GGNBP2: variants seen among roughly 807,000 people sequenced by gnomAD.
The protein encoded by GGNBP2 is gametogenetin binding protein 2.
A neutral mutation model predicts 85.9 loss-of-function variants in GGNBP2; 10 were observed. The ratio of observed to expected loss-of-function variants is 0.12; its 90% CI spans 0.07 to 0.20. GGNBP2 has a LOEUF of 0.20. Among genes scored for constraint, GGNBP2 ranks in the 10% least tolerant of loss-of-function variants. The pLI is 1.00. For missense variants in GGNBP2, 595 were observed against 857.8 expected (o/e 0.69, Z 3.83); for synonymous variants, 287 against 285.7 (o/e 1.00, Z -0.05).
At position 36,581,574 on chromosome 17, in the gene GGNBP2, G is replaced by A. The variant is rs745875720; in HGVS notation, c.1215+36G>A. ...TTAATATCAACTCTTAAGTGTGTAT[G>A]TATTGCTTGTAGATAGAAGTACAGG... On this transcript the variant is annotated intron_variant, in intron 9 of 13. Transcript: ENST00000613102. The A allele has an allele frequency of 4.0e-6, 6 of 1,483,352 alleles. No homozygotes were observed. In the African/African-American group the frequency reaches 7.0e-5, roughly 17 times the overall value. 91.9% of individuals were successfully genotyped at this position (1,483,352 alleles called of 1,614,324 possible). A position where few individuals can be genotyped will look rare whatever the true frequency, so the allele number is the denominator to read the frequency against.
intron 13 of GGNBP2, 63 bp from the exon 14 acceptor site, chr17:36,589,145 T>G (rs1423197929): frequency 8.5e-7 from 1 of 1,177,720 alleles, no homozygotes; most frequent in Non-Finnish European, 1.2e-6. Context: ...TTAGCTGTCC[T>G]CCTCCATTAC....
intron 5 of GGNBP2, among the ~76,000 whole-genome samples, chr17:36,564,319 G>A (rs145754441): frequency 6.6e-6 from 1 of 152,240 alleles, no homozygotes; most frequent in Non-Finnish European, 1.5e-5. Flanking sequence ...TGTGTTCATT[G>A]CTGCCTTCCT....
intron 7 of GGNBP2, 144 bp downstream of exon 7, chr17:36,578,330 T>C (rs561212794): frequency 6.8e-5 from 42 of 614,830 alleles, no homozygotes; most frequent in African/African-American, 5.5e-4. Context: ...TGCTTCTCTT[T>C]AAAGTATGCA....
At chr17:36,588,917 C>CT (rs1288031976) in intron 13 of GGNBP2, among the ~76,000 whole-genome samples, 1 of 152,092 alleles carries the variant, frequency 6.6e-6, no homozygotes, top group African/African-American at 2.4e-5. Flanking sequence ...GTTGTAACAT[C>CT]TTTAATTAGT....
chr17:36,579,197 T>C, intron 7 of GGNBP2, 48 bp from the exon 8 acceptor site: 1 of 1,529,940 alleles, frequency 6.5e-7, no homozygotes, highest in Non-Finnish European at 9.0e-7. Flanking sequence ...TATCCATCTT[T>C]TACTGTTTCA....
At chr17:36,561,056 C>T (rs2074411854) in intron 5 of GGNBP2, among the ~76,000 whole-genome samples, 185 bp downstream of exon 5, 1 of 151,988 alleles carries the variant, frequency 6.6e-6, no homozygotes, top group Admixed American at 6.6e-5. Flanking sequence ...TATAAAGTCT[C>T]AATGTAGATC....
chr17:36,562,953 C>CAAAAAAAA (rs34799358), intron 5 of GGNBP2, among the ~76,000 whole-genome samples: 1 of 40,516 alleles, frequency 2.5e-5, no homozygotes, highest in Non-Finnish European at 4.0e-5. Context: ...GACTCTGTCT[C>CAAAAAAAA]AAAAAAAAAA....
In GGNBP2 at chr17:36,578,390, C is replaced by T. The variant is rs150076834; in HGVS notation, c.845+204C>T. 1.4e-3 allele frequency: 698 copies of T among 494,362 alleles called. 4 individuals carry two copies. Among genetic ancestry groups the T allele is most frequent in the Middle Eastern group, 4.8e-3 (9 of 1,876 alleles). 30.6% of individuals were successfully genotyped at this position (494,362 alleles called of 1,614,324 possible). On this transcript the variant is annotated intron_variant, in intron 7 of 13. Transcript: ENST00000613102. ...AAAAACTGTTCTCTGGTGTTTGGTT[C>T]AGTCCTCTGCTAGTTCTTGCTTGAA...
At chr17:36,560,258 T>C (rs992618244) in intron 4 of GGNBP2, among the ~76,000 whole-genome samples, 2 of 152,192 alleles carry the variant, frequency 1.3e-5, no homozygotes, top group African/African-American at 4.8e-5. Context: ...GCACCAGGCC[T>C]GATTCTAGAT....
In GGNBP2 at chr17:36,545,630, G is replaced by C; in HGVS notation, c.-95G>C. ...TTTGGCTGTTGCAGGCAGGAGCTGG[G>C]AGGAGGCGGCAGCGGCGGCGGCAGA... On this transcript the variant is annotated 5_prime_UTR_variant, in exon 2 of 14. Coordinates refer to ENST00000613102, the MANE Select transcript of GGNBP2 (RefSeq NM_024835.5). 1.1e-6 allele frequency: 1 copy of C among 946,220 alleles called. No homozygotes were observed. The highest frequency in any genetic ancestry group is 1.7e-6 in the Non-Finnish European group (1 of 602,828). The allele number at this position is 946,220 out of a possible 1,614,324, so 58.6% of individuals were successfully genotyped here. A position where few individuals can be genotyped will look rare whatever the true frequency, so the allele number is the denominator to read the frequency against.
At chr17:36,583,140 G>A (rs1223555786) in intron 9 of GGNBP2, among the ~76,000 whole-genome samples, 3 of 151,666 alleles carry the variant, frequency 2.0e-5, no homozygotes, top group East Asian at 3.9e-4. Flanking sequence ...TGCAACCTCC[G>A]CCTCTCGGGT....
At chr17:36,588,463 T>C (rs1203794692) in intron 13 of GGNBP2, among the ~76,000 whole-genome samples, 1 of 152,118 alleles carries the variant, frequency 6.6e-6, no homozygotes, top group East Asian at 1.9e-4. Flanking sequence ...TCCATGTTGG[T>C]CAGGCTGGTC....
chr17:36,545,456 G>A (rs1410165066), intron 1 of GGNBP2, 163 bp from the exon 2 acceptor site: 5 of 400,680 alleles, frequency 1.2e-5, no homozygotes, highest in Admixed American at 9.0e-5. Flanking sequence ...GAGGGGGGCG[G>A]GTCCCGGCGG....
chr17:36,572,761 A>G (rs187960866), intron 6 of GGNBP2, among the ~76,000 whole-genome samples: 45 of 152,290 alleles, frequency 3.0e-4, no homozygotes, highest in African/African-American at 1.0e-3. Context: ...TTTGTTAACT[A>G]TATGCACATT....
rs561700276 is a variant in GGNBP2 at position 36,562,109 on chromosome 17, G to A, written c.527+1238G>A. 4.6e-5 allele frequency among the ~76,000 whole-genome samples: 7 copies of A among 152,236 alleles called. No individual in the cohort carries two copies. In the East Asian group the frequency reaches 9.6e-4, roughly 21 times the overall value. ...GGAGTGTGAAGGGACTTTCTAAGAC[G>A]TGACTTTAGTTTTGGAGAGAATGGG... On this transcript the variant is annotated intron_variant, in intron 5 of 13. Transcript: ENST00000613102.
intron 2 of GGNBP2, among the ~76,000 whole-genome samples, chr17:36,547,942 C>G (rs1270468640): frequency 6.6e-6 from 1 of 152,092 alleles, no homozygotes; most frequent in African/African-American, 2.4e-5. Context: ...CTACCAAATA[C>G]TACTGAAAGG....
intron 2 of GGNBP2, chr17:36,546,039 G>C: frequency 2.0e-6 from 1 of 502,176 alleles, no homozygotes; most frequent in South Asian, 3.1e-5. Flanking sequence ...CCTCTCTCCA[G>C]ATTTTCCTTC....
chr17:36,550,415 G>A (rs1236764396), intron 2 of GGNBP2, among the ~76,000 whole-genome samples: 1 of 152,108 alleles, frequency 6.6e-6, no homozygotes, highest in Non-Finnish European at 1.5e-5. Context: ...ATAAATGGTG[G>A]CATATCCACT....
rs551788349 is a variant in GGNBP2, at chr17:36,545,401, C to T, written c.-106-218C>T. ...TCTCCTTTGGACCCTGACTGGAGGC[C>T]GGCGGGCGGGCGGGCGGGCGGGAGA... On this transcript the variant is annotated intron_variant, in intron 1 of 13. Coordinates refer to ENST00000613102, the MANE Select transcript of GGNBP2 (RefSeq NM_024835.5). 1.6e-3 allele frequency: 283 copies of T among 172,512 alleles called. 2 individuals carry two copies. In the African/African-American group the frequency reaches 0.028, roughly 17 times the overall value. The allele number at this position is 172,512 out of a possible 1,614,324, so 10.7% of individuals were successfully genotyped here.
Sources: gnomAD v4.1 joint callset for allele counts (sites outside exome capture counted in the v4.1 genomes callset) on GRCh38, gnomAD v4.1.1 for gene constraint, MANE v1.5 for transcripts, NCBI Gene and HGNC (gene_info 2026-07-23, HGNC 2026-07-21) for gene names.